Variants in PTPRN2 observed in about 807,000 individuals in gnomAD.
The protein encoded by PTPRN2 is receptor-type tyrosine-protein phosphatase N2.
A neutral mutation model predicts 118.8 loss-of-function variants in PTPRN2; 74 were observed. That is an observed-to-expected ratio of 0.62 (90% CI 0.52 to 0.76). The LOEUF (loss-of-function observed/expected upper bound fraction) is 0.76. Among genes scored for constraint, PTPRN2 ranks in the 30% least tolerant of loss-of-function variants. The pLI is 0.00. For synonymous variants in PTPRN2, 641 were observed against 608.0 expected, an observed-to-expected ratio of 1.05 and a Z score of -0.80; for missense variants, 1,481 against 1,394.4, an observed-to-expected ratio of 1.06 and a Z score of -0.99.
In PTPRN2 at chr7:158,336,321, AAG is replaced by A. The variant is rs547688775; in HGVS notation, c.164-19391_164-19390del. On this transcript the variant is annotated intron_variant, in intron 2 of 22. Coordinates refer to ENST00000389418, the MANE Select transcript of PTPRN2 (RefSeq NM_002847.5). The stretch of plus-strand genomic sequence containing the variant: ...TCACTCACACCCACACTCTCACCAT[AAG>A]AGGTGACACCTGCAGACGTCACTCA... 1.1e-3 allele frequency among the ~76,000 whole-genome samples: 155 copies of A among 140,436 alleles called. 1 individual carries two copies. Among genetic ancestry groups the A allele is most frequent in the African/African-American group, 4.1e-3 (151 of 36,934 alleles). 92.1% of individuals were successfully genotyped at this position (140,436 alleles called of 152,430 possible). A position where few individuals can be genotyped will look rare whatever the true frequency, so the allele number is the denominator to read the frequency against.
chr7:158,221,780 T>C (rs769938429), intron 3 of PTPRN2, among the ~76,000 whole-genome samples: 2 of 152,242 alleles, frequency 1.3e-5, no homozygotes, highest in Non-Finnish European at 2.9e-5. Context: ...TTATGGAAGC[T>C]ACAATTCAAG....
In PTPRN2 at chr7:158,485,912, C is replaced by T. The variant is rs117662313; in HGVS notation, c.163+3823G>A. On this transcript the variant is annotated intron_variant, in intron 2 of 22. Coordinates refer to ENST00000389418, the MANE Select transcript of PTPRN2 (RefSeq NM_002847.5). ...TTTTGGATCCTGAGTTTTTCATTTA[C>T]TTTCTCCCACCTGCATTTTCCGACG... Among the ~76,000 whole-genome samples, 541 of 152,292 alleles carry T rather than the reference C, an allele frequency of 3.6e-3. 15 individuals are homozygous for T. The South Asian group carries it at 0.051, about 14-fold the overall frequency.
At chr7:158,560,431 G>C (rs989414387) in intron 1 of PTPRN2, among the ~76,000 whole-genome samples, 1 of 152,262 alleles carries the variant, frequency 6.6e-6, no homozygotes, top group South Asian at 2.1e-4. Flanking sequence ...GCCTCGCTAG[G>C]GGACAAATGG....
intron 11 of PTPRN2, among the ~76,000 whole-genome samples, chr7:157,970,642 C>CT (rs1554503318): frequency 6.7e-6 from 1 of 150,366 alleles, no homozygotes; most frequent in African/African-American, 2.4e-5. Flanking sequence ...GCGGACCCCC[C>CT]CCCCCACAGG....
intron 2 of PTPRN2, among the ~76,000 whole-genome samples, chr7:158,479,990 T>C (rs920432478): frequency 4.6e-5 from 7 of 152,340 alleles, no homozygotes; most frequent in Middle Eastern, 3.4e-3. Context: ...AATTTCCCAA[T>C]TGGGATTCTA....
chr7:158,260,016 C>T (rs1191386341), intron 3 of PTPRN2, among the ~76,000 whole-genome samples: 1 of 151,306 alleles, frequency 6.6e-6, no homozygotes, highest in Non-Finnish European at 1.5e-5. Context: ...CCATGTGTCC[C>T]TGGTGTACAT....
intron 2 of PTPRN2, among the ~76,000 whole-genome samples, chr7:158,375,226 T>C (rs1481478288): frequency 6.6e-6 from 1 of 152,174 alleles, no homozygotes. Flanking sequence ...TCACCAGAAT[T>C]ATACCAGGCA....
At chr7:158,120,414 C>G (rs1320669899) in intron 9 of PTPRN2, among the ~76,000 whole-genome samples, 1 of 152,166 alleles carries the variant, frequency 6.6e-6, no homozygotes, top group Non-Finnish European at 1.5e-5. Flanking sequence ...AGCACCATGA[C>G]GTGTGGCTGC....
At chr7:158,499,533 T>C (rs1344551741) in intron 1 of PTPRN2, among the ~76,000 whole-genome samples, 1 of 152,220 alleles carries the variant, frequency 6.6e-6, no homozygotes, top group Non-Finnish European at 1.5e-5. Flanking sequence ...CTCACGTCTA[T>C]AATCCCAACA....
chr7:157,651,531 C>T (rs1021413466), intron 14 of PTPRN2, among the ~76,000 whole-genome samples: 1 of 152,200 alleles, frequency 6.6e-6, no homozygotes, highest in Middle Eastern at 3.2e-3. Context: ...TAAAGGTGGA[C>T]GCGGTGGCTC....
At chr7:158,463,417 C>CATCACA (rs1444202174) in intron 2 of PTPRN2, among the ~76,000 whole-genome samples, 1 of 151,956 alleles carries the variant, frequency 6.6e-6, no homozygotes, top group African/African-American at 2.4e-5. Flanking sequence ...TTGTTGTCAT[C>CATCACA]ATCACCATCA....
chr7:157,581,989 C>T (rs546880210), intron 17 of PTPRN2, among the ~76,000 whole-genome samples: 21 of 152,348 alleles, frequency 1.4e-4, no homozygotes, highest in African/African-American at 3.8e-4. Context: ...CTGCAGAGGC[C>T]GTGAGGATCT....
intron 3 of PTPRN2, among the ~76,000 whole-genome samples, chr7:158,304,531 G>A (rs547088742): frequency 5.3e-5 from 8 of 152,016 alleles, no homozygotes; most frequent in African/African-American, 1.9e-4. Context: ...AGGCTAAGAC[G>A]TACACAGGCT....
chr7:158,265,415 T>C (rs1018378747), intron 3 of PTPRN2, among the ~76,000 whole-genome samples: 7 of 145,324 alleles, frequency 4.8e-5, no homozygotes, highest in South Asian at 2.2e-4. Flanking sequence ...CACACACCTG[T>C]GGGCACACAC....
intron 5 of PTPRN2, among the ~76,000 whole-genome samples, chr7:158,173,800 A>G (rs557446082): frequency 1.0e-3 from 152 of 152,340 alleles, no homozygotes; most frequent in African/African-American, 3.4e-3. Context: ...AGAATTCAGC[A>G]ATATTTCTCC....
At position 157,583,892 on chromosome 7, in the gene PTPRN2, ACAC is replaced by A. The variant is rs1800521272; in HGVS notation, c.2497-5755_2497-5753del. Among the ~76,000 whole-genome samples the A allele has an allele frequency of 1.2e-5, 1 of 84,704 alleles. No individual in the cohort carries two copies. Among genetic ancestry groups the A allele is most frequent in the East Asian group, 2.2e-4 (1 of 4,610 alleles). 55.6% of individuals were successfully genotyped at this position (84,704 alleles called of 152,430 possible). ...GCGAGACTCTGTCTCAAACACACAC[ACAC>A]ACACACACACACACACACACACACA... On this transcript the variant is annotated intron_variant, in intron 17 of 22. Coordinates refer to ENST00000389418, the MANE Select transcript of PTPRN2 (RefSeq NM_002847.5). The surrounding 1 kb of genome is among the most constrained non-coding windows in gnomAD (Gnocchi z 5.5).
At chr7:158,519,958 G>T (rs1368818312) in intron 1 of PTPRN2, among the ~76,000 whole-genome samples, 1 of 152,190 alleles carries the variant, frequency 6.6e-6, no homozygotes, top group Non-Finnish European at 1.5e-5. Flanking sequence ...TCAGTGCAAT[G>T]ACTACTCTGC....
In PTPRN2 at chr7:157,882,087, A is replaced by G. The variant is rs1291524664; in HGVS notation, c.1788+16586T>C. Among the ~76,000 whole-genome samples the G allele has an allele frequency of 7.2e-5, 11 of 151,934 alleles. No individual in the cohort carries two copies. In the East Asian group the frequency reaches 7.7e-4, roughly 11 times the overall value. Reference sequence around the variant, plus strand: ...CTACTGTTGAAGAACAGAACACACCACCCCAAAAATGACTGTCATACATCA... The same window carrying G: ...CTACTGTTGAAGAACAGAACACACCGCCCCAAAAATGACTGTCATACATCA... On this transcript the variant is annotated intron_variant, in intron 12 of 22. Coordinates refer to ENST00000389418, the MANE Select transcript of PTPRN2 (RefSeq NM_002847.5).
intron 3 of PTPRN2, among the ~76,000 whole-genome samples, chr7:158,313,801 T>C (rs192288402): frequency 2.0e-5 from 3 of 152,366 alleles, no homozygotes; most frequent in African/African-American, 4.8e-5. Flanking sequence ...TTTAAATTCA[T>C]GGATATATGA....
Sources: allele counts gnomAD v4.1 joint callset (sites outside exome capture counted in the v4.1 genomes callset), GRCh38; gene constraint gnomAD v4.1.1; non-coding constraint Gnocchi (gnomAD v3.1); transcripts MANE v1.5; gene names NCBI Gene and HGNC (gene_info 2026-07-23, HGNC 2026-07-21).